PPP1R12A: variants seen among roughly 807,000 people sequenced by gnomAD.
PPP1R12A encodes the protein protein phosphatase 1 regulatory subunit 12A, also known as myosin binding subunit.
Under a neutral mutation model 139.6 loss-of-function variants are expected in PPP1R12A, and 19 were observed. The ratio of observed to expected loss-of-function variants is 0.14; its 90% CI spans 0.09 to 0.20. PPP1R12A has a LOEUF of 0.20. Among genes scored for constraint, PPP1R12A ranks in the 10% least tolerant of loss-of-function variants. The pLI is 1.00. For synonymous variants in PPP1R12A, 427 were observed against 420.6 expected, an observed-to-expected ratio of 1.02 and a Z score of -0.19; for missense variants, 925 against 1,211.5, an observed-to-expected ratio of 0.76 and a Z score of 3.51.
At chr12:79,778,705 G>A (rs999311142) in intron 23 of PPP1R12A, 105 bp from the exon 24 acceptor site, 2 of 744,258 alleles carry the variant, frequency 2.7e-6, no homozygotes, top group East Asian at 2.9e-5. Context: ...GTCCAATCAG[G>A]AGCAGTGTAG....
intron 1 of PPP1R12A, among the ~76,000 whole-genome samples, chr12:79,927,214 C>CCA (rs1887914174): frequency 6.6e-6 from 1 of 151,744 alleles, no homozygotes; most frequent in Admixed American, 6.6e-5. Flanking sequence ...CACACCACAC[C>CCA]CACACACACA....
chr12:79,863,672 G>A lies in PPP1R12A; in HGVS notation c.368+9136C>T, dbSNP rs1203981506. On this transcript the variant is annotated intron_variant, in intron 2 of 24. Transcript: ENST00000450142. ...AAAAAAAAAAAAAAAAAAAAAAAAAGAGCAGGGGTTGCAATCCTGGTCTCT... is the reference window on the plus strand; with the variant it reads ...AAAAAAAAAAAAAAAAAAAAAAAAAAAGCAGGGGTTGCAATCCTGGTCTCT... Among the ~76,000 whole-genome samples, 481 of 78,178 alleles carry A rather than the reference G, an allele frequency of 6.2e-3. 5 individuals are homozygous for A. Among genetic ancestry groups the A allele is most frequent in the African/African-American group, 0.019 (434 of 23,316 alleles). 51.3% of individuals were successfully genotyped at this position (78,178 alleles called of 152,430 possible).
rs1286421075 is a variant in PPP1R12A at position 79,809,861 on chromosome 12, A to G, written c.1389T>C (p.Asp463=). 4.3e-6 allele frequency: 7 copies of G among 1,613,456 alleles called. No homozygotes were observed. The African/African-American group carries it at 5.3e-5, about 12-fold the overall frequency. Residue 463 remains aspartate (D), a synonymous_variant, in exon 10 of 25, where the codon GAT becomes GAC. Coordinates refer to ENST00000450142, the MANE Select transcript of PPP1R12A (RefSeq NM_002480.3). The stretch of plus-strand genomic sequence containing the variant: ...AAGCTGAACGTGTAACACCTGCAGT[A>G]TCTTTTTCTTTCTGACCCTCTTTAG... The part of the protein sequence containing the change: ...TASKEGQKEK[D]TAGVTRSASS...
intron 14 of PPP1R12A, among the ~76,000 whole-genome samples, chr12:79,801,320 G>A (rs1462517901): frequency 1.8e-5 from 2 of 109,494 alleles, no homozygotes; most frequent in Non-Finnish European, 3.4e-5. Flanking sequence ...ACTCCAGCCT[G>A]GGCAACTAGA....
intron 6 of PPP1R12A, 79 bp downstream of exon 6, chr12:79,822,037 C>T: frequency 9.6e-7 from 1 of 1,044,116 alleles, no homozygotes; most frequent in Non-Finnish European, 1.4e-6. Flanking sequence ...CAAAACATCA[C>T]AAGAATACTT....
chr12:79,928,998 C>T (rs1435370774), intron 1 of PPP1R12A, among the ~76,000 whole-genome samples: 1 of 152,124 alleles, frequency 6.6e-6, no homozygotes, highest in African/African-American at 2.4e-5. Flanking sequence ...CTTTGTATTC[C>T]TCTAGAAGTG....
intron 22 of PPP1R12A, among the ~76,000 whole-genome samples, 182 bp downstream of exon 22, chr12:79,786,190 CTT>C (rs1871104073): frequency 6.6e-6 from 1 of 152,056 alleles, no homozygotes; most frequent in African/African-American, 2.4e-5. Flanking sequence ...TATAAGTTGA[CTT>C]TTGACTATGA....
chr12:79,832,901 T>C (rs747597107), intron 3 of PPP1R12A, among the ~76,000 whole-genome samples: 5 of 152,222 alleles, frequency 3.3e-5, no homozygotes, highest in Admixed American at 1.3e-4. Flanking sequence ...AAATGTTTAC[T>C]GAATGCTTCA....
At chr12:79,891,315 C>G (rs1884623363) in intron 1 of PPP1R12A, among the ~76,000 whole-genome samples, 1 of 151,876 alleles carries the variant, frequency 6.6e-6, no homozygotes, top group Admixed American at 6.6e-5. Flanking sequence ...TCTGGGACCA[C>G]TGATAAGGGG....
At chr12:79,879,927 G>A (rs1257647210) in intron 1 of PPP1R12A, among the ~76,000 whole-genome samples, 2 of 150,454 alleles carry the variant, frequency 1.3e-5, no homozygotes, top group Non-Finnish European at 2.9e-5. Flanking sequence ...CTTAAAATAT[G>A]TATTCCTTTA....
intron 4 of PPP1R12A, among the ~76,000 whole-genome samples, chr12:79,829,711 G>A (rs183511946): frequency 6.6e-6 from 1 of 152,002 alleles, no homozygotes; most frequent in Admixed American, 6.6e-5. Context: ...AATAGAGGCA[G>A]AAACAATACT....
chr12:79,839,062 A>C (rs913321367), intron 3 of PPP1R12A, among the ~76,000 whole-genome samples: 2 of 151,988 alleles, frequency 1.3e-5, no homozygotes, highest in Non-Finnish European at 2.9e-5. Flanking sequence ...AAAGCTACAG[A>C]GGCAGAGCTG....
intron 22 of PPP1R12A, chr12:79,782,128 GGTGA>G (rs1457182375): frequency 1.1e-5 from 3 of 267,358 alleles, no homozygotes; most frequent in East Asian, 6.8e-5. Context: ...TGGGCGTGAG[GGTGA>G]GTGAGTATGT....
intron 1 of PPP1R12A, among the ~76,000 whole-genome samples, chr12:79,926,679 T>C (rs1427854973): frequency 6.6e-6 from 1 of 152,180 alleles, no homozygotes; most frequent in Non-Finnish European, 1.5e-5. Context: ...TCCAATTTTT[T>C]TTAATCATTA....
chr12:79,851,399 T>C (rs1272254901), intron 2 of PPP1R12A, among the ~76,000 whole-genome samples: 1 of 152,218 alleles, frequency 6.6e-6, no homozygotes, highest in Non-Finnish European at 1.5e-5. Flanking sequence ...CAAACAAAAG[T>C]TCTGACCTCA....
At chr12:79,929,906 T>C (rs1400474956) in intron 1 of PPP1R12A, among the ~76,000 whole-genome samples, 1 of 152,100 alleles carries the variant, frequency 6.6e-6, no homozygotes, top group Non-Finnish European at 1.5e-5. Flanking sequence ...GATGCGAAGG[T>C]TTCAAAAATA....
chr12:79,934,969 G>A lies in PPP1R12A; in HGVS notation c.-38C>T. On this transcript the variant is annotated 5_prime_UTR_variant, in exon 1 of 25. Transcript: ENST00000450142. ...CGCCGGGTCTTCTTATCGCGAGGGG[G>A]GGAAGGGGGAGGCGGAGAGGGAAGA... 1 of 1,546,986 alleles carries A rather than the reference G, an allele frequency of 6.5e-7. No individual in the cohort carries two copies. Among genetic ancestry groups the A allele is most frequent in the Non-Finnish European group, 8.7e-7 (1 of 1,143,736 alleles).
chr12:79,830,565 T>A (rs569509969), intron 4 of PPP1R12A, among the ~76,000 whole-genome samples: 1 of 152,320 alleles, frequency 6.6e-6, no homozygotes, highest in African/African-American at 2.4e-5. Flanking sequence ...TTTGCTCAAT[T>A]GTCATTTCTA....
At chr12:79,813,124 T>TA (rs1481934892) in intron 9 of PPP1R12A, among the ~76,000 whole-genome samples, 1 of 152,204 alleles carries the variant, frequency 6.6e-6, no homozygotes, top group Non-Finnish European at 1.5e-5. Flanking sequence ...ATAAAAGTGT[T>TA]ATCCTACAGT....
Sources: gnomAD v4.1 joint callset for allele counts (sites outside exome capture counted in the v4.1 genomes callset) on GRCh38, gnomAD v4.1.1 for gene constraint, MANE v1.5 for transcripts, NCBI Gene and HGNC (gene_info 2026-07-23, HGNC 2026-07-21) for gene names.